Variants in GNA14 observed in about 807,000 individuals in gnomAD.
GNA14 encodes guanine nucleotide-binding protein subunit alpha-14.
GNA14 carries 50 observed loss-of-function variants against 42.0 expected under a neutral mutation model. The ratio of observed to expected loss-of-function variants is 1.19; its 90% CI spans 0.95 to 1.51. GNA14 has a LOEUF of 1.51. Among genes scored for constraint, GNA14 ranks in the 40% most tolerant of loss-of-function variants. The probability of loss-of-function intolerance (pLI) is 0.00; values close to 1 mark genes in which losing one functional copy is unlikely to be tolerated. For missense variants in GNA14, 473 were observed against 446.2 expected, an observed-to-expected ratio of 1.06 and a Z score of -0.54; for synonymous variants, 173 against 163.1, an observed-to-expected ratio of 1.06 and a Z score of -0.46.
At chr9:77,608,088 C>T (rs772259221) in intron 1 of GNA14, among the ~76,000 whole-genome samples, 24 of 152,170 alleles carry the variant, frequency 1.6e-4, no homozygotes, top group Non-Finnish European at 3.5e-4. Context: ...AAGACGGCCC[C>T]AGAGCCAAGG....
intron 1 of GNA14, among the ~76,000 whole-genome samples, chr9:77,646,435 C>T (rs1449003125): frequency 1.4e-5 from 2 of 146,868 alleles, no homozygotes; most frequent in Non-Finnish European, 3.0e-5. Context: ...GGGAGGGGCA[C>T]ACCCCCCCCC....
intron 1 of GNA14, among the ~76,000 whole-genome samples, chr9:77,613,931 G>A (rs905117619): frequency 2.6e-5 from 4 of 152,186 alleles, no homozygotes; most frequent in African/African-American, 9.7e-5. Flanking sequence ...TGTAAGGGAA[G>A]AAACAGCAGC....
chr9:77,637,151 A>G (rs1824195322), intron 1 of GNA14, among the ~76,000 whole-genome samples: 1 of 152,230 alleles, frequency 6.6e-6, no homozygotes, highest in Non-Finnish European at 1.5e-5. Context: ...AACTTCTTGA[A>G]GAAAAAAATA....
In GNA14 at chr9:77,648,180, G is replaced by T; in HGVS notation, c.-387C>A. 1 of 302,850 alleles carries T rather than the reference G, an allele frequency of 3.3e-6. No individual in the cohort carries two copies. The highest frequency in any genetic ancestry group is 3.2e-5 in the South Asian group (1 of 30,964). 18.8% of individuals were successfully genotyped at this position (302,850 alleles called of 1,614,324 possible). ...CAGACGAGTTGGAACGTCGGTGCTC[G>T]GGGGAGAGTAGGATCTCCTGGGCCT... On this transcript the variant is annotated 5_prime_UTR_variant, in exon 1 of 7. Transcript: ENST00000341700.
At position 77,554,986 on chromosome 9, in the gene GNA14, T is replaced by A. The variant is rs1239766659; in HGVS notation, c.125-25733A>T. Among the ~76,000 whole-genome samples the A allele has an allele frequency of 2.0e-4, 30 of 152,338 alleles. 1 individual carries two copies. ...AACAGAAAGTTCCATGCATTGCCGT[T>A]GGAACAATAAGTTAGTGCAGATGCT... On this transcript the variant is annotated intron_variant, in intron 1 of 6. Coordinates refer to ENST00000341700, the MANE Select transcript of GNA14 (RefSeq NM_004297.4).
At chr9:77,623,053 A>G (rs1159648773) in intron 1 of GNA14, among the ~76,000 whole-genome samples, 5 of 151,114 alleles carry the variant, frequency 3.3e-5, no homozygotes, top group Non-Finnish European at 7.4e-5. Context: ...TGACTCTACT[A>G]AAAATAGAAA....
chr9:77,646,008 C>T (rs1824345293), intron 1 of GNA14, among the ~76,000 whole-genome samples: 1 of 151,936 alleles, frequency 6.6e-6, no homozygotes, highest in Non-Finnish European at 1.5e-5. Context: ...CGTATTCCTC[C>T]TCCCTTGACA....
chr9:77,507,924 G>A (rs1360060828), intron 2 of GNA14, among the ~76,000 whole-genome samples: 2 of 152,032 alleles, frequency 1.3e-5, no homozygotes, highest in East Asian at 3.9e-4. Context: ...TATCATATTG[G>A]CCAGGCTGGT....
intron 5 of GNA14, among the ~76,000 whole-genome samples, 160 bp from the exon 6 acceptor site, chr9:77,425,875 C>T (rs1262673474): frequency 1.3e-5 from 2 of 152,178 alleles, no homozygotes; most frequent in Non-Finnish European, 2.9e-5. Context: ...GGCTACAGGC[C>T]TCCTGCTTCT....
chr9:77,533,588 A>G (rs11145467), intron 1 of GNA14, among the ~76,000 whole-genome samples: 1 of 152,126 alleles, frequency 6.6e-6, no homozygotes, highest in Non-Finnish European at 1.5e-5. Context: ...CCAGTAATAC[A>G]TTCACTAGAA....
At chr9:77,616,371 G>A (rs755041917) in intron 1 of GNA14, among the ~76,000 whole-genome samples, 6 of 152,162 alleles carry the variant, frequency 3.9e-5, no homozygotes, top group African/African-American at 7.2e-5. Flanking sequence ...TAATCAGAAC[G>A]GATACTGTTC....
chr9:77,521,894 G>C (rs191081477), intron 2 of GNA14, among the ~76,000 whole-genome samples: 1 of 151,996 alleles, frequency 6.6e-6, no homozygotes, highest in African/African-American at 2.4e-5. Context: ...GTGCAATGGC[G>C]CGATCTTGGC....
intron 2 of GNA14, among the ~76,000 whole-genome samples, chr9:77,444,979 T>G (rs1246217348): frequency 6.6e-6 from 1 of 152,128 alleles, no homozygotes; most frequent in African/African-American, 2.4e-5. Context: ...CCTTGAGGAT[T>G]TCAGAATTAC....
At chr9:77,562,613 T>C (rs1028261008) in intron 1 of GNA14, among the ~76,000 whole-genome samples, 7 of 152,172 alleles carry the variant, frequency 4.6e-5, no homozygotes, top group Non-Finnish European at 4.4e-5. Context: ...AAAAGTCCCA[T>C]GGGCTGGAAA....
At chr9:77,645,781 C>T (rs899091379) in intron 1 of GNA14, among the ~76,000 whole-genome samples, 1 of 152,160 alleles carries the variant, frequency 6.6e-6, no homozygotes, top group Non-Finnish European at 1.5e-5. Context: ...ATACAAAGAG[C>T]CAGCATTTGT....
chr9:77,492,044 C>T (rs140824820), intron 2 of GNA14, among the ~76,000 whole-genome samples: 184 of 152,128 alleles, frequency 1.2e-3, no homozygotes, highest in African/African-American at 4.0e-3. Flanking sequence ...TTAAACAATA[C>T]GCTCCTGAAT....
chr9:77,642,615 G>C (rs888257681), intron 1 of GNA14, among the ~76,000 whole-genome samples: 1 of 151,826 alleles, frequency 6.6e-6, no homozygotes, highest in East Asian at 1.9e-4. Context: ...AAAAATATAT[G>C]AAAATTAGCT....
intron 1 of GNA14, among the ~76,000 whole-genome samples, chr9:77,546,785 C>T (rs766129926): frequency 1.3e-5 from 2 of 152,220 alleles, no homozygotes; most frequent in African/African-American, 2.4e-5. Context: ...CAGCCCCACT[C>T]ATCAAGATGT....
At chr9:77,549,091 C>G (rs1173635537) in intron 1 of GNA14, among the ~76,000 whole-genome samples, 1 of 152,290 alleles carries the variant, frequency 6.6e-6, no homozygotes, top group African/African-American at 2.4e-5. Context: ...CGTGCCACCA[C>G]ACCCAGCTAA....
Sources: allele counts gnomAD v4.1 joint callset (sites outside exome capture counted in the v4.1 genomes callset), GRCh38; gene constraint gnomAD v4.1.1; transcripts MANE v1.5; gene names NCBI Gene and HGNC (gene_info 2026-07-23, HGNC 2026-07-21).